The following PRKCH variants were observed in gnomAD, a reference collection of about 807,000 sequenced individuals.
PRKCH encodes protein kinase C eta type.
Under a neutral mutation model 82.5 loss-of-function variants are expected in PRKCH, and 28 were observed. The ratio of observed to expected loss-of-function variants is 0.34; its 90% CI spans 0.25 to 0.47. The LOEUF is 0.47. PRKCH is among the 20% of genes least tolerant of loss of function. The pLI is 1.00. For synonymous variants in PRKCH, 322 were observed against 327.4 expected (o/e 0.98, Z 0.18); for missense variants, 705 against 881.8 (o/e 0.80, Z 2.54).
intron 9 of PRKCH, 47 bp from the exon 10 acceptor site, chr14:61,485,455 G>A: frequency 6.3e-7 from 1 of 1,596,932 alleles, no homozygotes. Context: ...TGGAGCTCTA[G>A]GTTAATTGCT....
rs2045629564 is a variant in PRKCH at position 61,321,892 on chromosome 14, C to T, written c.-210C>T. The T allele has an allele frequency of 1.9e-6, 1 of 513,430 alleles. No individual in the cohort carries two copies. Among genetic ancestry groups the T allele is most frequent in the Non-Finnish European group, 3.4e-6 (1 of 291,990 alleles). 31.8% of individuals were successfully genotyped at this position (513,430 alleles called of 1,614,324 possible). A position where few individuals can be genotyped will look rare whatever the true frequency, so the allele number is the denominator to read the frequency against. On this transcript the variant is annotated 5_prime_UTR_variant, in exon 1 of 14. Transcript: ENST00000332981. This position sits in a 1 kb window ranked among gnomAD's most constrained non-coding sequence, Gnocchi z 4.1. ...CGCTGAGGGCTCGGCGGCGGGCTCC[C>T]CTCCTTTCCACCTCGGGAGGGAGGG... is the stretch of plus-strand genomic sequence containing the variant.
chr14:61,240,917 T>A (rs1448192443), intron 1 of PRKCH, among the ~76,000 whole-genome samples: 5 of 150,638 alleles, frequency 3.3e-5, no homozygotes, highest in Non-Finnish European at 7.4e-5. Flanking sequence ...TGTGTGAGGT[T>A]TTTTCCCCAC....
chr14:61,383,019 A>G (rs2046534293), intron 1 of PRKCH, among the ~76,000 whole-genome samples: 1 of 152,202 alleles, frequency 6.6e-6, no homozygotes, highest in Non-Finnish European at 1.5e-5. Context: ...TTAACCAGTG[A>G]TATAAGTACT....
At chr14:61,446,432 A>G (rs948534027) in intron 4 of PRKCH, among the ~76,000 whole-genome samples, 2 of 152,212 alleles carry the variant, frequency 1.3e-5, no homozygotes, top group African/African-American at 2.4e-5. Flanking sequence ...GTTTATACAC[A>G]TGGTACCTGT....
chr14:61,425,301 T>A (rs1275056172), intron 2 of PRKCH, among the ~76,000 whole-genome samples: 1 of 152,104 alleles, frequency 6.6e-6, no homozygotes, highest in Non-Finnish European at 1.5e-5. Context: ...CACCAGCCTA[T>A]GAAAGCAGCC....
At chr14:61,318,073 C>G (rs933980166), upstream of PRKCH, among the ~76,000 whole-genome samples, 1 of 151,896 alleles carries the variant, frequency 6.6e-6, no homozygotes, top group African/African-American at 2.4e-5. Flanking sequence ...CTCCTCTTGC[C>G]ATGTTTCTTT....
At chr14:61,257,627 ACACCCC>A (rs757942031) in intron 1 of PRKCH, among the ~76,000 whole-genome samples, 18,208 of 74,872 alleles carry the variant, frequency 0.24, 1,281 homozygotes, top group Non-Finnish European at 0.26. Flanking sequence ...ACACACACAC[ACACCCC>A]CACACACACA....
chr14:61,449,351 T>C, intron 5 of PRKCH, 99 bp downstream of exon 5: 1 of 1,014,962 alleles, frequency 9.9e-7, no homozygotes, highest in Non-Finnish European at 1.5e-6. Flanking sequence ...TCCCCCTCTT[T>C]TCCTTCTCCC....
intron 2 of PRKCH, among the ~76,000 whole-genome samples, chr14:61,419,640 G>A (rs1882731022): frequency 6.6e-6 from 1 of 152,218 alleles, no homozygotes; most frequent in Admixed American, 6.5e-5. Flanking sequence ...GTCCCTGACT[G>A]TTAGTGTTTG....
chr14:61,325,963 T>A (rs182137607), intron 1 of PRKCH, among the ~76,000 whole-genome samples: 1 of 152,258 alleles, frequency 6.6e-6, no homozygotes, highest in Non-Finnish European at 1.5e-5. Flanking sequence ...CCATACCAAG[T>A]GTTGGTGAGG....
chr14:61,512,852 G>T (rs1012125476), intron 10 of PRKCH, among the ~76,000 whole-genome samples: 4 of 152,114 alleles, frequency 2.6e-5, no homozygotes, highest in Non-Finnish European at 5.9e-5. Flanking sequence ...TGGAGACATG[G>T]ATCCTGTTCT....
chr14:61,188,407 G>C (rs77980524), intron 1 of PRKCH, among the ~76,000 whole-genome samples: 2,327 of 152,290 alleles, frequency 0.015, 54 homozygotes, highest in African/African-American at 0.05. Flanking sequence ...CTCTCAGGCA[G>C]TTCTGGCTCC....
Position 61,549,902 on chromosome 14 carries a change from G to A in PRKCH, c.*71G>A. 1 of 1,519,910 alleles carries A rather than the reference G, an allele frequency of 6.6e-7. No individual in the cohort carries two copies. Among genetic ancestry groups the A allele is most frequent in the South Asian group, 1.2e-5 (1 of 82,688 alleles). The allele number at this position is 1,519,910 out of a possible 1,614,324, so 94.2% of individuals were successfully genotyped here. A position where few individuals can be genotyped will look rare whatever the true frequency, so the allele number is the denominator to read the frequency against. On this transcript the variant is annotated 3_prime_UTR_variant, in exon 14 of 14. Coordinates refer to ENST00000332981, the MANE Select transcript of PRKCH (RefSeq NM_006255.5). ...GAGATTCTCCAGGAATTTCCTCTAT[G>A]GGACCTTCCCAGCATCAGCCTTAGA...
In PRKCH at chr14:61,420,932, C is replaced by T. The variant is rs577464065; in HGVS notation, c.428-22179C>T. ...AACTTGGGTAAGGGACCTGAAGCTC[C>T]CCACCCACTCTGGCCCTAGATAGGC... On this transcript the variant is annotated intron_variant, in intron 2 of 13. Coordinates refer to ENST00000332981, the MANE Select transcript of PRKCH (RefSeq NM_006255.5). Among the ~76,000 whole-genome samples the T allele has an allele frequency of 6.0e-4, 91 of 152,134 alleles. 1 individual carries two copies. Among genetic ancestry groups the T allele is most frequent in the Non-Finnish European group, 1.1e-3 (76 of 67,998 alleles).
intron 2 of PRKCH, among the ~76,000 whole-genome samples, chr14:61,400,982 T>C (rs1487603813): frequency 6.6e-6 from 1 of 152,134 alleles, no homozygotes; most frequent in Non-Finnish European, 1.5e-5. Flanking sequence ...GGCAGCATTT[T>C]AGTTTTTTTC....
chr14:61,453,457 A>G, intron 7 of PRKCH, 104 bp downstream of exon 7: 2 of 1,276,738 alleles, frequency 1.6e-6, no homozygotes, highest in South Asian at 3.2e-5. Context: ...AATCTTAGCA[A>G]ATACAATAAA....
chr14:61,196,714 G>T (rs149814364), intron 1 of PRKCH, among the ~76,000 whole-genome samples: 7 of 152,232 alleles, frequency 4.6e-5, no homozygotes, highest in African/African-American at 1.7e-4. Context: ...TACACGTTAA[G>T]AACACAGATA....
intron 1 of PRKCH, among the ~76,000 whole-genome samples, chr14:61,258,936 C>G (rs749589439): frequency 1.3e-5 from 2 of 152,202 alleles, no homozygotes; most frequent in Non-Finnish European, 2.9e-5. Flanking sequence ...GCTCCTTCCT[C>G]GTCCTTTGCT....
chr14:61,497,068 G>A (rs1886699695), intron 10 of PRKCH, among the ~76,000 whole-genome samples: 1 of 152,182 alleles, frequency 6.6e-6, no homozygotes, highest in Admixed American at 6.5e-5. Context: ...TAGTAGTGAT[G>A]CATTTATATC....
Sources: allele counts gnomAD v4.1 joint callset (sites outside exome capture counted in the v4.1 genomes callset), GRCh38; gene constraint gnomAD v4.1.1; non-coding constraint Gnocchi (gnomAD v3.1); transcripts MANE v1.5; gene names NCBI Gene and HGNC (gene_info 2026-07-23, HGNC 2026-07-21).